The following PLCD1 variants were observed in gnomAD, a reference collection of about 807,000 sequenced individuals.
PLCD1 encodes the protein 1-phosphatidylinositol 4,5-bisphosphate phosphodiesterase delta-1.
PLCD1 carries 71 observed loss-of-function variants against 87.4 expected under a neutral mutation model. That is an observed-to-expected ratio of 0.81 (90% CI 0.67 to 0.99). PLCD1 has a LOEUF of 0.99. Among genes scored for constraint, PLCD1 ranks in the 50% least tolerant of loss-of-function variants. The probability of loss-of-function intolerance (pLI) is 0.00; values close to 1 mark genes in which losing one functional copy is unlikely to be tolerated. For synonymous variants in PLCD1, 348 were observed against 399.2 expected (o/e 0.87, Z 1.53); for missense variants, 867 against 1,001.5 (o/e 0.87, Z 1.81).
chr3:38,015,536 C>A (rs965232980), intron 3 of PLCD1, among the ~76,000 whole-genome samples: 2 of 152,126 alleles, frequency 1.3e-5, no homozygotes, highest in African/African-American at 4.8e-5. Context: ...TGTGAATATA[C>A]TAAAAAGCAC....
intron 1 of PLCD1, chr3:38,024,544 C>T (rs1700282924): frequency 6.6e-7 from 1 of 1,512,514 alleles, no homozygotes; most frequent in Admixed American, 2.0e-5. Context: ...GAACTGTCGC[C>T]CTTGGAGGGG....
intron 1 of PLCD1, among the ~76,000 whole-genome samples, chr3:38,027,267 C>T (rs2226462): frequency 0.74 from 112,649 of 152,060 alleles, 42,523 homozygotes; most frequent in African/African-American, 0.89. Flanking sequence ...CAAAGAACTA[C>T]AGATGGCAAC....
chr3:38,024,983 A>T (rs1387929398), intron 1 of PLCD1, among the ~76,000 whole-genome samples: 1 of 152,160 alleles, frequency 6.6e-6, no homozygotes, highest in Non-Finnish European at 1.5e-5. Flanking sequence ...TCCATAACCC[A>T]GGAAGCAAAT....
Position 38,012,062 on chromosome 3 carries a change from C to T in PLCD1, c.429-389G>A, listed in dbSNP as rs76329266. ...TTTTTTTTTTTGACAAGATCTCACT[C>T]TGTCGCCCAGATTAGAGTGCAGTGG... On this transcript the variant is annotated intron_variant, in intron 3 of 14. Coordinates refer to ENST00000334661, the MANE Select transcript of PLCD1 (RefSeq NM_006225.4). 9.5e-3 allele frequency among the ~76,000 whole-genome samples: 1,365 copies of T among 143,110 alleles called. 9 individuals carry two copies. Among genetic ancestry groups the T allele is most frequent in the Middle Eastern group, 0.026 (7 of 268 alleles). 93.9% of individuals were successfully genotyped at this position (143,110 alleles called of 152,430 possible). A position where few individuals can be genotyped will look rare whatever the true frequency, so the allele number is the denominator to read the frequency against.
chr3:38,024,453 G>C (rs1012876544), intron 1 of PLCD1: 1 of 1,605,186 alleles, frequency 6.2e-7, no homozygotes, highest in Admixed American at 1.7e-5. Flanking sequence ...CAGTGCCCCT[G>C]CCTGCGCGGA....
chr3:38,012,963 G>C (rs1305663255), intron 3 of PLCD1, among the ~76,000 whole-genome samples: 1 of 152,106 alleles, frequency 6.6e-6, no homozygotes, highest in Non-Finnish European at 1.5e-5. Flanking sequence ...GAGTGCAGTG[G>C]CATGATTATG....
Position 38,008,098 on chromosome 3 carries a change from G to A in PLCD1, c.2101C>T (p.Arg701Cys), listed in dbSNP as rs745844815. ...GCATCATAATCTTCCACCAAGAAGC[G>A]GATGAGGGCAAGGTCAGGCACAACT... is the stretch of plus-strand genomic sequence containing the variant. Reference protein sequence around the residue: ...EVVVPDLALIRFLVEDYDASS... With the variant: ...EVVVPDLALICFLVEDYDASS... The change falls in exon 14 of 15, where the codon CGC (arginine) becomes TGC (cysteine). Residue 701 changes from arginine to cysteine, a missense_variant. Coordinates refer to ENST00000334661, the MANE Select transcript of PLCD1 (RefSeq NM_006225.4). 17 of 1,613,988 alleles carry A rather than the reference G, an allele frequency of 1.1e-5. No individual in the cohort carries two copies. In the East Asian group the frequency reaches 1.1e-4, roughly 11 times the overall value.
In PLCD1 at chr3:38,007,697, G is replaced by T; in HGVS notation, c.*76C>A. On this transcript the variant is annotated 3_prime_UTR_variant, in exon 15 of 15. Transcript: ENST00000334661. The stretch of plus-strand genomic sequence containing the variant: ...AGCTCTGAGCAAGAGGCTGGGAGCA[G>T]CCACACCAGCCCTGTCCCCACATGT... The T allele has an allele frequency of 8.8e-7, 1 of 1,133,262 alleles. No homozygotes were observed. Among genetic ancestry groups the T allele is most frequent in the Non-Finnish European group, 1.3e-6 (1 of 748,246 alleles). The allele number at this position is 1,133,262 out of a possible 1,614,324, so 70.2% of individuals were successfully genotyped here.
intron 1 of PLCD1, among the ~76,000 whole-genome samples, chr3:38,026,692 G>A (rs1407419538): frequency 6.6e-6 from 1 of 152,244 alleles, no homozygotes; most frequent in African/African-American, 2.4e-5. Context: ...GAACACAGGT[G>A]AGTGAGGAGC....
At position 38,008,233 on chromosome 3, in the gene PLCD1, A is replaced by G. The variant is rs553155963; in HGVS notation, c.2035+2T>C. 4 of 1,614,060 alleles carry G rather than the reference A, an allele frequency of 2.5e-6. No homozygotes were observed. The South Asian group carries it at 4.4e-5, about 18-fold the overall frequency. ...GTAGCCCAGCCCAGGCCCAGCACCTACCATTGTTGGTGATGACAGCAGTCT... is the reference window on the plus strand; with the variant it reads ...GTAGCCCAGCCCAGGCCCAGCACCTGCCATTGTTGGTGATGACAGCAGTCT... On this transcript the variant is annotated splice_donor_variant, in intron 13 of 14. Coordinates refer to ENST00000334661, the MANE Select transcript of PLCD1 (RefSeq NM_006225.4). LOFTEE classifies it high-confidence loss of function.
intron 1 of PLCD1, among the ~76,000 whole-genome samples, 183 bp downstream of exon 1, chr3:38,029,323 C>T (rs1700338789): frequency 1.3e-5 from 2 of 152,030 alleles, no homozygotes; most frequent in South Asian, 2.1e-4. Context: ...GGGTCGTGCC[C>T]GGCAGTCCCA....
chr3:38,020,110 A>G, intron 2 of PLCD1, 78 bp downstream of exon 2: 1 of 1,333,384 alleles, frequency 7.5e-7, no homozygotes, highest in Non-Finnish European at 1.1e-6. Flanking sequence ...GTTTTGATCC[A>G]TGACTGACCT....
chr3:38,010,768 CCT>C (rs1278259018), intron 5 of PLCD1, among the ~76,000 whole-genome samples: 3 of 152,140 alleles, frequency 2.0e-5, no homozygotes, highest in Admixed American at 6.5e-5. Flanking sequence ...CTCCTCCTCC[CCT>C]GTCTGCACAC....
chr3:38,014,256 T>C (rs537065519), intron 3 of PLCD1, among the ~76,000 whole-genome samples: 8 of 151,332 alleles, frequency 5.3e-5, no homozygotes, highest in Admixed American at 3.3e-4. Flanking sequence ...GGACCCAGAA[T>C]AGCTAAAGCA....
intron 9 of PLCD1, 31 bp downstream of exon 9, chr3:38,009,622 G>T: frequency 1.2e-6 from 2 of 1,613,584 alleles, no homozygotes; most frequent in Non-Finnish European, 1.7e-6. Flanking sequence ...GGAAGGCCCG[G>T]GCTGCCCCAC....
intron 3 of PLCD1, among the ~76,000 whole-genome samples, chr3:38,015,154 G>T (rs1017902859): frequency 1.3e-5 from 2 of 152,162 alleles, no homozygotes; most frequent in African/African-American, 2.4e-5. Flanking sequence ...GTTAATATCA[G>T]CATTCTTCAT....
chr3:38,027,064 G>A (rs1211169445), intron 1 of PLCD1, among the ~76,000 whole-genome samples: 1 of 152,194 alleles, frequency 6.6e-6, no homozygotes, highest in Non-Finnish European at 1.5e-5. Flanking sequence ...CGGGGGACCT[G>A]CTAGAGAAGC....
intron 1 of PLCD1, chr3:38,024,208 G>A: frequency 2.5e-6 from 2 of 792,206 alleles, no homozygotes; most frequent in East Asian, 2.7e-5. Flanking sequence ...CACACTCACA[G>A]AAGTACTAAA....
Position 38,010,207 on chromosome 3 carries a change from A to T in PLCD1, c.1061T>A (p.Ile354Asn), listed in dbSNP as rs1700048786. 6.2e-7 allele frequency: 1 copy of T among 1,614,038 alleles called. No individual in the cohort carries two copies. Among genetic ancestry groups the T allele is most frequent in the African/African-American group, 1.3e-5 (1 of 74,912 alleles). ...CWDGPNQEPI[I>N]YHGYTFTSKI... Reference sequence around the variant, plus strand: ...GGAAGTGAAAGTATAGCCGTGGTAGATGATTGGTTCCTGGTTGGGCCCGTC... The same window carrying T: ...GGAAGTGAAAGTATAGCCGTGGTAGTTGATTGGTTCCTGGTTGGGCCCGTC... Residue 354 changes from isoleucine (I) to asparagine (N), a missense_variant, in exon 7 of 15, where the codon ATC (isoleucine) becomes AAC (asparagine). Coordinates refer to ENST00000334661, the MANE Select transcript of PLCD1 (RefSeq NM_006225.4).
Sources: gnomAD v4.1 joint callset for allele counts (sites outside exome capture counted in the v4.1 genomes callset) on GRCh38, gnomAD v4.1.1 for gene constraint, MANE v1.5 for transcripts, NCBI Gene and HGNC (gene_info 2026-07-23, HGNC 2026-07-21) for gene names.